The following DMTN variants were observed in gnomAD, a reference collection of about 807,000 sequenced individuals.
DMTN encodes the protein dematin actin binding protein, also known as dematin.
A neutral mutation model predicts 59.4 loss-of-function variants in DMTN; 27 were observed. The observed-to-expected ratio is 0.45, with a 90% CI of 0.33 to 0.63. The LOEUF (loss-of-function observed/expected upper bound fraction) is 0.63. DMTN is among the 20% of genes least tolerant of loss of function. The pLI, the probability that DMTN is intolerant of heterozygous loss-of-function variation, is 0.02. For missense variants in DMTN, 451 were observed against 528.9 expected, an observed-to-expected ratio of 0.85 and a Z score of 1.45; for synonymous variants, 221 against 203.7, an observed-to-expected ratio of 1.08 and a Z score of -0.72.
chr8:22,050,898 C>T (rs989500285), upstream of DMTN, among the ~76,000 whole-genome samples: 6 of 152,212 alleles, frequency 3.9e-5, no homozygotes, highest in African/African-American at 1.4e-4. Flanking sequence ...GAAGTCTGTT[C>T]AGCTCATTCC....
In DMTN at chr8:22,082,102, C is replaced by G; in HGVS notation, c.*639C>G. 2.2e-6 allele frequency: 1 copy of G among 456,556 alleles called. No homozygotes were observed. 28.3% of individuals were successfully genotyped at this position (456,556 alleles called of 1,614,324 possible). A position where few individuals can be genotyped will look rare whatever the true frequency, so the allele number is the denominator to read the frequency against. ...TTAGGGTGGAGATGCCGCCTACACA[C>G]GATCCTGGCCCTCCACCTGCCTCCA... On this transcript the variant is annotated 3_prime_UTR_variant, in exon 16 of 16. Transcript: ENST00000358242.
chr8:22,055,347 C>G (rs1802081692), upstream of DMTN: 1 of 152,380 alleles, frequency 6.6e-6, no homozygotes, highest in Admixed American at 6.5e-5. Context: ...CCCCAAGTAC[C>G]TGGTCCGCTG....
intron 8 of DMTN, among the ~76,000 whole-genome samples, chr8:22,071,665 C>T (rs1815602046): frequency 2.0e-5 from 3 of 151,998 alleles, no homozygotes; most frequent in Admixed American, 6.6e-5. Flanking sequence ...CTGCAAGCTC[C>T]GCCTCCCGGG....
At chr8:22,076,691 A>G (rs569746359) in intron 10 of DMTN, among the ~76,000 whole-genome samples, 2 of 152,210 alleles carry the variant, frequency 1.3e-5, no homozygotes, top group South Asian at 2.1e-4. Flanking sequence ...ATATAGTGAC[A>G]TATATATACA....
intron 10 of DMTN, among the ~76,000 whole-genome samples, chr8:22,075,186 CA>C (rs201457271): frequency 2.6e-4 from 34 of 131,280 alleles, no homozygotes; most frequent in African/African-American, 2.8e-4. Flanking sequence ...GACTCTGTCT[CA>C]AAAAAAAAAA....
intron 10 of DMTN, among the ~76,000 whole-genome samples, chr8:22,074,954 C>T (rs891797327): frequency 6.6e-6 from 1 of 151,946 alleles, no homozygotes; most frequent in South Asian, 2.1e-4. Flanking sequence ...TTTGGGAGGC[C>T]GAGGCGGGCG....
chr8:22,069,252 C>G (rs548819076), intron 5 of DMTN, 167 bp from the exon 6 acceptor site: 140 of 842,714 alleles, frequency 1.7e-4, no homozygotes, highest in Non-Finnish European at 2.5e-4. Context: ...CTCCCTGGGC[C>G]AGGCACCATC....
At chr8:22,069,364 A>G (rs1489113272) in intron 5 of DMTN, 55 bp from the exon 6 acceptor site, 6 of 1,449,758 alleles carry the variant, frequency 4.1e-6, no homozygotes, top group African/African-American at 1.4e-5. Context: ...GATGGGGTGC[A>G]TGTGTGGGTT....
chr8:22,059,811 C>T (rs1334195358), intron 1 of DMTN, among the ~76,000 whole-genome samples: 1 of 152,210 alleles, frequency 6.6e-6, no homozygotes, highest in Non-Finnish European at 1.5e-5. Flanking sequence ...CCCGAAGTTG[C>T]CATTCTGCCT....
intron 6 of DMTN, 128 bp from the exon 7 acceptor site, chr8:22,069,753 C>A (rs2062743421): frequency 3.5e-6 from 4 of 1,143,810 alleles, no homozygotes; most frequent in Non-Finnish European, 5.2e-6. Context: ...GGAATGCCAG[C>A]CCTGTCTTGG....
chr8:22,074,666 T>C (rs1222160709), intron 10 of DMTN, among the ~76,000 whole-genome samples: 1 of 151,842 alleles, frequency 6.6e-6, no homozygotes, highest in South Asian at 2.1e-4. Flanking sequence ...GGGAGCGAAA[T>C]TGGGAACATG....
At chr8:22,070,429 C>T in intron 8 of DMTN, 95 bp downstream of exon 8, 1 of 1,448,498 alleles carries the variant, frequency 6.9e-7, no homozygotes, top group East Asian at 2.5e-5. Context: ...CACTCCCACC[C>T]CTGCCCTATG....
intron 5 of DMTN, 44 bp downstream of exon 5, chr8:22,069,104 A>G: frequency 6.3e-7 from 1 of 1,594,618 alleles, no homozygotes; most frequent in Non-Finnish European, 8.6e-7. Flanking sequence ...CCTGCCCTGA[A>G]GGGGATCCTA....
intron 2 of DMTN, 33 bp from the exon 3 acceptor site, chr8:22,067,052 G>T: frequency 1.5e-6 from 2 of 1,350,876 alleles, no homozygotes; most frequent in South Asian, 1.2e-5. Context: ...ACACACGCAC[G>T]TGCCCACCCG....
chr8:22,063,085 C>G (rs1015976381), intron 1 of DMTN, among the ~76,000 whole-genome samples: 9 of 152,140 alleles, frequency 5.9e-5, no homozygotes, highest in Non-Finnish European at 7.3e-5. Context: ...TGGCCTCTTC[C>G]GTAGGTTCCT....
chr8:22,070,514 C>A, intron 8 of DMTN, 180 bp downstream of exon 8: 3 of 660,784 alleles, frequency 4.5e-6, no homozygotes, highest in Non-Finnish European at 6.9e-6. Flanking sequence ...GTTCCCATAG[C>A]GCTTGGTGTA....
chr8:22,058,557 T>TG lies in DMTN; in HGVS notation c.-172+1424dup, dbSNP rs1250435264. 6.6e-6 allele frequency among the ~76,000 whole-genome samples: 1 copy of TG among 152,128 alleles called. No homozygotes were observed. The highest frequency in any genetic ancestry group is 1.5e-5 in the Non-Finnish European group (1 of 68,006). On this transcript the variant is annotated intron_variant, in intron 1 of 15. Transcript: ENST00000358242. The surrounding 1 kb of genome is among the most constrained non-coding windows in gnomAD (Gnocchi z 4.3). ...GAAGATGGCTGCACAGATGCGTCTC[T>TG]GGGTGGGCTAGAGAGGCAGGAGGGG...
In DMTN at chr8:22,073,819, G is replaced by C. The variant is rs933272388; in HGVS notation, c.819G>C (p.Arg273=). 5 of 1,614,016 alleles carry C rather than the reference G, an allele frequency of 3.1e-6. No individual in the cohort carries two copies. The highest frequency in any genetic ancestry group is 4.2e-6 in the Non-Finnish European group (5 of 1,179,980). Residue 273 remains arginine (R), a synonymous_variant, in exon 10 of 16, where the codon CGG becomes CGC. Coordinates refer to ENST00000358242, the MANE Select transcript of DMTN (RefSeq NM_001387751.1). ...IRRKTRSLPD[R]TPFHTSLHQG... is the part of the protein sequence containing the mutation. ...GGAAAACCCGCTCTCTGCCTGACCGGACACCCTTCCATACCTGTGAGTGCT... is the reference window on the plus strand; with the variant it reads ...GGAAAACCCGCTCTCTGCCTGACCGCACACCCTTCCATACCTGTGAGTGCT...
In DMTN at chr8:22,082,311, G is replaced by GC. The variant is rs1300307029; in HGVS notation, c.*855dup. On this transcript the variant is annotated 3_prime_UTR_variant, in exon 16 of 16. Coordinates refer to ENST00000358242, the MANE Select transcript of DMTN (RefSeq NM_001387751.1). ...TCTCTCAAGAATGTAATTTATTGGG[G>GC]CCCCCCCAGCTGCTTTCCTCACCTG... 2.0e-5 allele frequency: 9 copies of GC among 445,206 alleles called. No individual in the cohort carries two copies. Among genetic ancestry groups the GC allele is most frequent in the East Asian group, 7.0e-5 (1 of 14,200 alleles). The allele number at this position is 445,206 out of a possible 1,614,324, so 27.6% of individuals were successfully genotyped here. A position where few individuals can be genotyped will look rare whatever the true frequency, so the allele number is the denominator to read the frequency against.
Sources: allele counts gnomAD v4.1 joint callset (sites outside exome capture counted in the v4.1 genomes callset), GRCh38; gene constraint gnomAD v4.1.1; non-coding constraint Gnocchi (gnomAD v3.1); transcripts MANE v1.5; gene names NCBI Gene and HGNC (gene_info 2026-07-23, HGNC 2026-07-21).